TM4SF4: variants seen among roughly 807,000 people sequenced by gnomAD.
TM4SF4 encodes transmembrane 4 L6 family member 4.
A neutral mutation model predicts 24.1 loss-of-function variants in TM4SF4; 24 were observed. The observed-to-expected ratio is 1.00, with a 90% CI of 0.72 to 1.40. The LOEUF (loss-of-function observed/expected upper bound fraction) is 1.40, where lower values mean the gene tolerates loss of function less well. TM4SF4 is among the 40% of genes most tolerant of loss of function. The pLI is 0.00. For synonymous variants in TM4SF4, 113 were observed against 97.0 expected, an observed-to-expected ratio of 1.17 and a Z score of -0.97; for missense variants, 254 against 254.2, an observed-to-expected ratio of 1.00 and a Z score of 0.01.
chr3:149,477,429 G>A (rs1733952432), intron 2 of TM4SF4, among the ~76,000 whole-genome samples: 1 of 152,190 alleles, frequency 6.6e-6, no homozygotes. Flanking sequence ...CCACAATAAT[G>A]AATTAACCAC....
chr3:149,483,631 T>A (rs1040781303), intron 2 of TM4SF4, among the ~76,000 whole-genome samples: 2 of 151,914 alleles, frequency 1.3e-5, no homozygotes, highest in Non-Finnish European at 2.9e-5. Flanking sequence ...TAAAAGCATG[T>A]CTTATTTTCC....
intron 2 of TM4SF4, among the ~76,000 whole-genome samples, chr3:149,476,808 G>GTTTT (rs1478962432): frequency 2.1e-5 from 1 of 47,382 alleles, no homozygotes; most frequent in African/African-American, 5.6e-5. Context: ...TTTTGTTTTT[G>GTTTT]TTTTTGTTTT....
intron 2 of TM4SF4, among the ~76,000 whole-genome samples, chr3:149,484,550 A>ATT (rs890892392): frequency 0.039 from 4,758 of 122,146 alleles, 127 homozygotes; most frequent in East Asian, 0.068. Context: ...CACCCCGCTA[A>ATT]TTTTTTTTTT....
chr3:149,494,252 T>A (rs1056255029), intron 3 of TM4SF4, among the ~76,000 whole-genome samples: 3 of 152,132 alleles, frequency 2.0e-5, no homozygotes, highest in Non-Finnish European at 4.4e-5. Flanking sequence ...TGTGGCTATG[T>A]GGTGGTTTGT....
chr3:149,475,378 G>A (rs1292236447), intron 1 of TM4SF4, among the ~76,000 whole-genome samples: 3 of 152,050 alleles, frequency 2.0e-5, no homozygotes, highest in African/African-American at 4.8e-5. Flanking sequence ...ACAAACCCAC[G>A]ATGCAAACCC....
chr3:149,476,415 T>G (rs1733928933), intron 2 of TM4SF4, among the ~76,000 whole-genome samples: 1 of 152,214 alleles, frequency 6.6e-6, no homozygotes, highest in Non-Finnish European at 1.5e-5. Context: ...GCCTCTGGCT[T>G]CCACCAGGCT....
intron 4 of TM4SF4, among the ~76,000 whole-genome samples, chr3:149,500,746 T>C (rs4369977): frequency 0.79 from 120,170 of 152,156 alleles, 50,166 homozygotes; most frequent in Non-Finnish European, 0.94. Context: ...GTGGCTCATG[T>C]CTGTAATCCC....
chr3:149,478,286 C>T (rs1254059516), intron 2 of TM4SF4, among the ~76,000 whole-genome samples: 1 of 152,112 alleles, frequency 6.6e-6, no homozygotes, highest in Non-Finnish European at 1.5e-5. Flanking sequence ...GCTGGGATTA[C>T]AGCCATGTGC....
Position 149,502,815 on chromosome 3 carries a change from G to A in TM4SF4, c.*122G>A, listed in dbSNP as rs192384623. ...TTCCTAGCTGATAAAGCTTAGAAAA[G>A]GCAGTTATTCCTTCTTTCCAACCAG... On this transcript the variant is annotated 3_prime_UTR_variant, in exon 5 of 5. Coordinates refer to ENST00000305354, the MANE Select transcript of TM4SF4 (RefSeq NM_004617.4). 3.8e-5 allele frequency: 27 copies of A among 718,768 alleles called. No homozygotes were observed. Among genetic ancestry groups the A allele is most frequent in the Admixed American group, 3.1e-4 (14 of 44,880 alleles). The allele number at this position is 718,768 out of a possible 1,614,324, so 44.5% of individuals were successfully genotyped here. A position where few individuals can be genotyped will look rare whatever the true frequency, so the allele number is the denominator to read the frequency against.
chr3:149,475,734 T>A (rs1733916055), intron 1 of TM4SF4, 89 bp from the exon 2 acceptor site: 1 of 1,117,366 alleles, frequency 8.9e-7, no homozygotes, highest in South Asian at 1.4e-5. Flanking sequence ...AAATCCCTCA[T>A]TGTGGATGGG....
At chr3:149,483,439 A>AC (rs1279531088) in intron 2 of TM4SF4, among the ~76,000 whole-genome samples, 1 of 151,270 alleles carries the variant, frequency 6.6e-6, no homozygotes, top group African/African-American at 2.4e-5. Context: ...ACACAGTGAG[A>AC]CCCCATCTCT....
In TM4SF4 at chr3:149,502,783, T is replaced by A; in HGVS notation, c.*90T>A. The A allele has an allele frequency of 1.1e-6, 1 of 947,022 alleles. No homozygotes were observed. The allele number at this position is 947,022 out of a possible 1,614,324, so 58.7% of individuals were successfully genotyped here. A position where few individuals can be genotyped will look rare whatever the true frequency, so the allele number is the denominator to read the frequency against. On this transcript the variant is annotated 3_prime_UTR_variant, in exon 5 of 5. Coordinates refer to ENST00000305354, the MANE Select transcript of TM4SF4 (RefSeq NM_004617.4). ...TTCTCTTCTTGGAATTATTAATTCC[T>A]ATCTGCTTCCTAGCTGATAAAGCTT...
intron 4 of TM4SF4, among the ~76,000 whole-genome samples, chr3:149,501,021 C>CAAAAA (rs56017202): frequency 9.5e-6 from 1 of 105,802 alleles, no homozygotes; most frequent in African/African-American, 3.5e-5. Flanking sequence ...AAGACCTTTC[C>CAAAAA]AAAAAAAAAA....
chr3:149,478,033 A>G (rs1733965303), intron 2 of TM4SF4, among the ~76,000 whole-genome samples: 1 of 152,246 alleles, frequency 6.6e-6, no homozygotes, highest in Admixed American at 6.5e-5. Flanking sequence ...TTTTAGGTTT[A>G]CATATAACCA....
chr3:149,496,661 G>A (rs72615629), intron 3 of TM4SF4, among the ~76,000 whole-genome samples: 12,218 of 152,064 alleles, frequency 0.08, 1,077 homozygotes, highest in East Asian at 0.43. Context: ...CCAGCTACTC[G>A]GGAAACTGAA....
rs1338534848 is a variant in TM4SF4, at chr3:149,474,842, G to T, written c.-36G>T. ...GGCCCCGTGAAGGAGGCAGTGAGGA[G>T]CTTTTGATTGCTGACCTGTGTCGTA... On this transcript the variant is annotated 5_prime_UTR_variant, in exon 1 of 5. Transcript: ENST00000305354. 6.3e-7 allele frequency: 1 copy of T among 1,575,778 alleles called. No individual in the cohort carries two copies. The highest frequency in any genetic ancestry group is 8.6e-7 in the Non-Finnish European group (1 of 1,163,504).
chr3:149,501,074 T>G (rs543725632), intron 4 of TM4SF4, among the ~76,000 whole-genome samples: 1 of 152,038 alleles, frequency 6.6e-6, no homozygotes, highest in East Asian at 1.9e-4. Flanking sequence ...ATATGATTAC[T>G]CTTTGAATTG....
rs780883755 is a variant in TM4SF4 at position 149,500,851 on chromosome 3, C to T, written c.592-1825C>T. Reference sequence around the variant, plus strand: ...TTGACCATGGCAACATGGTGAAACCCCATCTCTACTAAAAATACAAAAAAT... The same window carrying T: ...TTGACCATGGCAACATGGTGAAACCTCATCTCTACTAAAAATACAAAAAAT... On this transcript the variant is annotated intron_variant, in intron 4 of 4. Transcript: ENST00000305354. 5.4e-4 allele frequency among the ~76,000 whole-genome samples: 82 copies of T among 152,036 alleles called. 1 individual carries two copies. The highest frequency in any genetic ancestry group is 1.4e-3 in the Admixed American group (21 of 15,280).
At chr3:149,480,424 G>A (rs1734014696) in intron 2 of TM4SF4, among the ~76,000 whole-genome samples, 1 of 152,152 alleles carries the variant, frequency 6.6e-6, no homozygotes, top group South Asian at 2.1e-4. Flanking sequence ...GTGTTGGGTA[G>A]GCATGTATTT....
Sources: gnomAD v4.1 joint callset for allele counts (sites outside exome capture counted in the v4.1 genomes callset) on GRCh38, gnomAD v4.1.1 for gene constraint, MANE v1.5 for transcripts, NCBI Gene and HGNC (gene_info 2026-07-23, HGNC 2026-07-21) for gene names.